Variants in ZSWIM6 observed in about 807,000 individuals in gnomAD.
ZSWIM6 encodes the protein zinc finger SWIM domain-containing protein 6.
A neutral mutation model predicts 113.2 loss-of-function variants in ZSWIM6; 9 were observed. The observed-to-expected ratio is 0.08, with a 90% confidence interval of 0.05 to 0.14. The LOEUF is 0.14. Ranked by LOEUF, ZSWIM6 falls within the 10% of genes least tolerant of loss-of-function variation. The probability of loss-of-function intolerance (pLI) is 1.00; values close to 1 mark genes in which losing one functional copy is unlikely to be tolerated. For synonymous variants in ZSWIM6, 611 were observed against 606.5 expected, an observed-to-expected ratio of 1.01 and a Z score of -0.11; for missense variants, 1,162 against 1,552.2, an observed-to-expected ratio of 0.75 and a Z score of 4.22.
chr5:61,478,688 AGTGTGTGTGTGTGTGTTT>A (rs1296117480), intron 2 of ZSWIM6, among the ~76,000 whole-genome samples: 4 of 143,014 alleles, frequency 2.8e-5, no homozygotes, highest in Non-Finnish European at 6.1e-5. Flanking sequence ...TTTATGTGTG[AGTGTGTGTGTGTGTGTTT>A]GTGTGTGTGT....
chr5:61,389,333 A>T (rs546907164), intron 1 of ZSWIM6, among the ~76,000 whole-genome samples: 1 of 151,994 alleles, frequency 6.6e-6, no homozygotes, highest in Non-Finnish European at 1.5e-5. Context: ...AGGCAGGCGG[A>T]TCACGAGGTC....
chr5:61,339,412 CA>C (rs372969006), intron 1 of ZSWIM6, among the ~76,000 whole-genome samples: 3 of 148,556 alleles, frequency 2.0e-5, no homozygotes, highest in Admixed American at 6.7e-5. Context: ...GAACCTGTCT[CA>C]AAAAAAAAAT....
chr5:61,389,426 G>C (rs1002504022), intron 1 of ZSWIM6, among the ~76,000 whole-genome samples: 1 of 151,502 alleles, frequency 6.6e-6, no homozygotes, highest in Admixed American at 6.6e-5. Flanking sequence ...ATGGTGGTGG[G>C]TGCCTGTAAT....
At position 61,332,599 on chromosome 5, in the gene ZSWIM6, A is replaced by G; in HGVS notation, c.327A>G (p.Ile109Met). 7.6e-7 allele frequency: 1 copy of G among 1,316,092 alleles called. No homozygotes were observed. Among genetic ancestry groups the G allele is most frequent in the Non-Finnish European group, 1.0e-6 (1 of 1,002,160 alleles). The allele number at this position is 1,316,092 out of a possible 1,614,324, so 81.5% of individuals were successfully genotyped here. Residue 109 changes from isoleucine to methionine, a missense_variant, in exon 1 of 14, where the codon ATA becomes ATG. Ile to Met is a conservative substitution (Grantham distance 10). Around this residue, in one of 4 missense-constraint regions of ZSWIM6, gnomAD observed 333 missense variants for 293.4 expected, o/e 1.13. Coordinates refer to ENST00000252744, the MANE Select transcript of ZSWIM6 (RefSeq NM_020928.2). ...TCCCGGAGCCGGTGCAGCGCCGCAT[A>G]GTCTATTGGTCCTTCCCCCGCAGCG... ...ERIPEPVQRR[I>M]VYWSFPRSER...
chr5:61,390,737 G>C lies in ZSWIM6; in HGVS notation c.676+57789G>C, dbSNP rs1203916918. 3.9e-5 allele frequency: 31 copies of C among 794,268 alleles called. 1 individual carries two copies. The highest frequency in any genetic ancestry group is 3.9e-4 in the South Asian group (29 of 74,896). The allele number at this position is 794,268 out of a possible 1,614,324, so 49.2% of individuals were successfully genotyped here. A position where few individuals can be genotyped will look rare whatever the true frequency, so the allele number is the denominator to read the frequency against. On this transcript the variant is annotated intron_variant, in intron 1 of 13. Transcript: ENST00000252744. ...CCATGAATGCTGTCTTCTCCTCCAT[G>C]GTCTGGAAGCAGCCATGGCCAAACT...
chr5:61,522,566 A>G (rs1749161361), intron 5 of ZSWIM6, among the ~76,000 whole-genome samples: 1 of 152,214 alleles, frequency 6.6e-6, no homozygotes, highest in African/African-American at 2.4e-5. Context: ...AATCAAAAAG[A>G]AGTTTTAGGA....
intron 1 of ZSWIM6, among the ~76,000 whole-genome samples, chr5:61,377,351 G>A (rs1745392601): frequency 1.3e-5 from 2 of 151,748 alleles, no homozygotes; most frequent in Admixed American, 1.3e-4. Context: ...AACTTGTATA[G>A]TTTAGAATGA....
At chr5:61,464,057 A>G (rs1051212667) in intron 1 of ZSWIM6, among the ~76,000 whole-genome samples, 4 of 150,708 alleles carry the variant, frequency 2.7e-5, no homozygotes, top group African/African-American at 9.8e-5. Flanking sequence ...CAGTGGTGCA[A>G]TCTAGCTCAC....
chr5:61,342,471 CAG>C (rs567430029), intron 1 of ZSWIM6, among the ~76,000 whole-genome samples: 8 of 152,020 alleles, frequency 5.3e-5, no homozygotes, highest in Non-Finnish European at 1.2e-4. Context: ...AACCGAAACA[CAG>C]GGAAAAAAGT....
chr5:61,545,077 A>AC lies in ZSWIM6; in HGVS notation c.*760_*761insC, dbSNP rs1294211325. On this transcript the variant is annotated 3_prime_UTR_variant, in exon 14 of 14. Coordinates refer to ENST00000252744, the MANE Select transcript of ZSWIM6 (RefSeq NM_020928.2). ...GCTGCAGTAGCTTGGTTTTAAACAAAAACAAAAAAAAAACTGAGAGAAAAC... is the reference window on the plus strand; with the variant it reads ...GCTGCAGTAGCTTGGTTTTAAACAAACAACAAAAAAAAAACTGAGAGAAAAC... 30 of 93,170 alleles carry AC rather than the reference A, an allele frequency of 3.2e-4. No homozygotes were observed. The highest frequency in any genetic ancestry group is 2.4e-3 in the African/African-American group (29 of 11,856). 5.8% of individuals were successfully genotyped at this position (93,170 alleles called of 1,614,324 possible).
intron 1 of ZSWIM6, among the ~76,000 whole-genome samples, chr5:61,351,701 T>G (rs1744787614): frequency 6.6e-6 from 1 of 152,208 alleles, no homozygotes; most frequent in Admixed American, 6.5e-5. Context: ...ACATTCTATT[T>G]TTGCTATCAC....
chr5:61,492,194 A>T (rs1748199993), intron 3 of ZSWIM6, among the ~76,000 whole-genome samples: 1 of 152,076 alleles, frequency 6.6e-6, no homozygotes, highest in Admixed American at 6.6e-5. Flanking sequence ...AATCTACCAG[A>T]AAAAATAAAC....
chr5:61,373,390 T>TC (rs1745306556), intron 1 of ZSWIM6, among the ~76,000 whole-genome samples: 1 of 147,796 alleles, frequency 6.8e-6, no homozygotes, highest in Non-Finnish European at 1.5e-5. Flanking sequence ...TTTTTTTTTT[T>TC]TTTTTGAGAC....
intron 1 of ZSWIM6, among the ~76,000 whole-genome samples, chr5:61,454,442 G>T (rs1747156660): frequency 6.6e-6 from 1 of 151,700 alleles, no homozygotes; most frequent in African/African-American, 2.4e-5. Flanking sequence ...TTTTTGTAGA[G>T]ATGGGGTCTC....
At chr5:61,385,677 ACTGT>A (rs1478725345) in intron 1 of ZSWIM6, among the ~76,000 whole-genome samples, 3 of 152,166 alleles carry the variant, frequency 2.0e-5, no homozygotes, top group Non-Finnish European at 4.4e-5. Flanking sequence ...TATAGCACAT[ACTGT>A]CTAACATAAC....
At chr5:61,433,024 A>G (rs553455197) in intron 1 of ZSWIM6, among the ~76,000 whole-genome samples, 1 of 152,218 alleles carries the variant, frequency 6.6e-6, no homozygotes, top group South Asian at 2.1e-4. Flanking sequence ...ATGAAAAAGG[A>G]AGGAAGGAAA....
Position 61,525,922 on chromosome 5 carries a change from C to G in ZSWIM6, c.1636C>G (p.His546Asp), listed in dbSNP as rs190856393. ...SSDLYTNYCYHDDTENSLFDS... is the reference protein window; with the variant it reads ...SSDLYTNYCYDDDTENSLFDS... ...TGACCTATACACCAACTACTGTTAC[C>G]ATGACGACACTGAAAACTCCCTCTT... Residue 546 changes from histidine (H) to aspartate (D), a missense_variant, in exon 6 of 14, where the codon CAT becomes GAT. Transcript: ENST00000252744. The G allele has an allele frequency of 8.4e-6, 13 of 1,552,212 alleles. No individual in the cohort carries two copies. In the East Asian group the frequency reaches 2.0e-4, roughly 23 times the overall value.
At chr5:61,521,567 C>T in intron 5 of ZSWIM6, 125 bp downstream of exon 5, 2 of 665,906 alleles carry the variant, frequency 3.0e-6, no homozygotes, top group Non-Finnish European at 4.4e-6. Flanking sequence ...AACTCCAGTA[C>T]TTAATATGTG....
intron 1 of ZSWIM6, among the ~76,000 whole-genome samples, chr5:61,436,721 G>A (rs1746715545): frequency 1.3e-5 from 2 of 152,202 alleles, no homozygotes; most frequent in African/African-American, 2.4e-5. Context: ...TAAATGTTAA[G>A]TATCTGACAA....
Sources: allele counts gnomAD v4.1 joint callset (sites outside exome capture counted in the v4.1 genomes callset), GRCh38; gene constraint gnomAD v4.1.1; regional missense constraint gnomAD v4.1.1; transcripts MANE v1.5; gene names NCBI Gene and HGNC (gene_info 2026-07-23, HGNC 2026-07-21).